MB21D2: variants seen among roughly 807,000 people sequenced by gnomAD.
MB21D2 encodes the protein Mab-21 domain containing 2, also known as nucleotidyltransferase MB21D2.
MB21D2 carries 9 observed loss-of-function variants against 33.3 expected under a neutral mutation model. The ratio of observed to expected loss-of-function variants is 0.27; its 90% CI spans 0.16 to 0.47. MB21D2 has a LOEUF of 0.47. MB21D2 is among the 20% of genes least tolerant of loss of function. The pLI, the probability that MB21D2 is intolerant of heterozygous loss-of-function variation, is 0.99. For synonymous variants in MB21D2, 241 were observed against 236.3 expected, an observed-to-expected ratio of 1.02 and a Z score of -0.18; for missense variants, 540 against 624.6, an observed-to-expected ratio of 0.86 and a Z score of 1.44.
intron 1 of MB21D2, among the ~76,000 whole-genome samples, chr3:192,853,804 G>C (rs1712857777): frequency 6.6e-6 from 1 of 152,116 alleles, no homozygotes; most frequent in Non-Finnish European, 1.5e-5. Flanking sequence ...TCCAACTGCA[G>C]GGTTCACATG....
At chr3:192,870,969 C>A (rs1044193269) in intron 1 of MB21D2, among the ~76,000 whole-genome samples, 20 of 152,284 alleles carry the variant, frequency 1.3e-4, no homozygotes, top group Middle Eastern at 6.8e-3. Flanking sequence ...TTGGATGCAA[C>A]TTCTCAACCA....
intron 1 of MB21D2, among the ~76,000 whole-genome samples, chr3:192,826,812 T>C (rs1487050725): frequency 6.6e-6 from 1 of 152,058 alleles, no homozygotes; most frequent in Admixed American, 6.6e-5. Flanking sequence ...GCAGATGAGA[T>C]TGGGGAGGAC....
chr3:192,846,634 C>A (rs920956907), intron 1 of MB21D2, among the ~76,000 whole-genome samples: 1 of 152,058 alleles, frequency 6.6e-6, no homozygotes, highest in Non-Finnish European at 1.5e-5. Context: ...CTGAAACATA[C>A]CAAAAATTCC....
At position 192,799,896 on chromosome 3, in the gene MB21D2, A is replaced by G. The variant is rs1037058076; in HGVS notation, c.212-246T>C. 1.3e-5 allele frequency among the ~76,000 whole-genome samples: 2 copies of G among 152,196 alleles called. No individual in the cohort carries two copies. Among genetic ancestry groups the G allele is most frequent in the African/African-American group, 4.8e-5 (2 of 41,442 alleles). ...AGTGTGAAAAGCAGTATCGTTTTCA[A>G]TAATAAAACAGGGCCCCTCTTCCCC... On this transcript the variant is annotated intron_variant, in intron 1 of 1. Transcript: ENST00000392452. This position sits in a 1 kb window ranked among gnomAD's most constrained non-coding sequence, Gnocchi z 4.1.
intron 1 of MB21D2, among the ~76,000 whole-genome samples, chr3:192,839,864 CT>C (rs979430744): frequency 6.6e-5 from 10 of 152,172 alleles, no homozygotes; most frequent in African/African-American, 2.2e-4. Flanking sequence ...TTTCAAATCC[CT>C]TTCTCATCTT....
At chr3:192,827,917 A>C (rs1404514303) in intron 1 of MB21D2, among the ~76,000 whole-genome samples, 1 of 152,124 alleles carries the variant, frequency 6.6e-6, no homozygotes, top group African/African-American at 2.4e-5. Flanking sequence ...GAGAGGGATC[A>C]GGTGGGAGAT....
At chr3:192,890,320 G>T (rs1476421255) in intron 1 of MB21D2, among the ~76,000 whole-genome samples, 1 of 151,990 alleles carries the variant, frequency 6.6e-6, no homozygotes, top group East Asian at 1.9e-4. Flanking sequence ...TAAATAAAAA[G>T]ACTAAGAAGG....
At chr3:192,801,285 G>A (rs565171911) in intron 1 of MB21D2, among the ~76,000 whole-genome samples, 26 of 152,162 alleles carry the variant, frequency 1.7e-4, no homozygotes, top group African/African-American at 5.8e-4. Context: ...AACTACCAGC[G>A]TCATCCTGTG....
chr3:192,842,865 T>G (rs940419585), intron 1 of MB21D2, among the ~76,000 whole-genome samples: 2 of 152,190 alleles, frequency 1.3e-5, no homozygotes, highest in African/African-American at 4.8e-5. Flanking sequence ...TTAGGGCCAT[T>G]CTTGTGGAAA....
intron 1 of MB21D2, among the ~76,000 whole-genome samples, chr3:192,838,226 C>T (rs888461109): frequency 6.6e-6 from 1 of 152,168 alleles, no homozygotes; most frequent in African/African-American, 2.4e-5. Flanking sequence ...CTTAAGTGTG[C>T]TCATGATAGC....
chr3:192,880,990 T>G (rs1386841838), intron 1 of MB21D2, among the ~76,000 whole-genome samples: 2 of 152,060 alleles, frequency 1.3e-5, no homozygotes, highest in African/African-American at 4.8e-5. Context: ...TATATATTTA[T>G]ATACACATCT....
chr3:192,809,737 A>G (rs1711745826), intron 1 of MB21D2, among the ~76,000 whole-genome samples: 1 of 152,222 alleles, frequency 6.6e-6, no homozygotes, highest in Non-Finnish European at 1.5e-5. Flanking sequence ...ATCATAGGAA[A>G]GAGACGATTA....
At position 192,890,829 on chromosome 3, in the gene MB21D2, G is replaced by A. The variant is rs76352249; in HGVS notation, c.211+26801C>T. Among the ~76,000 whole-genome samples, 106 of 152,100 alleles carry A rather than the reference G, an allele frequency of 7.0e-4. 1 individual carries two copies. Among genetic ancestry groups the A allele is most frequent in the African/African-American group, 2.5e-3 (104 of 41,414 alleles). ...AGGCGGTTATTGATATAAGATGTAC[G>A]TGCTTCTCAGGAGTCCCTAAATACT... is the stretch of plus-strand genomic sequence containing the variant. On this transcript the variant is annotated intron_variant, in intron 1 of 1. Transcript: ENST00000392452.
intron 1 of MB21D2, among the ~76,000 whole-genome samples, chr3:192,810,404 C>G (rs948016400): frequency 8.7e-5 from 13 of 149,684 alleles, no homozygotes; most frequent in Admixed American, 8.7e-4. Context: ...TATAAAGAAG[C>G]CTCCTCTAAA....
intron 1 of MB21D2, among the ~76,000 whole-genome samples, chr3:192,802,784 CTTCA>C (rs1337079649): frequency 6.6e-6 from 1 of 152,168 alleles, no homozygotes; most frequent in Non-Finnish European, 1.5e-5. Flanking sequence ...ATCGTTTACT[CTTCA>C]TTATTTCAAA....
intron 1 of MB21D2, among the ~76,000 whole-genome samples, chr3:192,812,691 C>A (rs995232097): frequency 6.6e-6 from 1 of 152,126 alleles, no homozygotes; most frequent in African/African-American, 2.4e-5. Flanking sequence ...TACACAGACA[C>A]GTCTCCTCTT....
At chr3:192,813,180 G>T (rs939742339) in intron 1 of MB21D2, among the ~76,000 whole-genome samples, 1 of 152,096 alleles carries the variant, frequency 6.6e-6, no homozygotes, top group Non-Finnish European at 1.5e-5. Flanking sequence ...GATCATCTAG[G>T]TTGAGCCAAG....
intron 1 of MB21D2, among the ~76,000 whole-genome samples, chr3:192,912,818 A>G (rs1044077876): frequency 1.3e-5 from 2 of 152,234 alleles, no homozygotes; most frequent in Non-Finnish European, 2.9e-5. Flanking sequence ...GTCAGGAATA[A>G]CTGGATTCAG....
chr3:192,846,412 T>C lies in MB21D2; in HGVS notation c.212-46762A>G, dbSNP rs539475105. Among the ~76,000 whole-genome samples the C allele has an allele frequency of 6.6e-5, 10 of 152,320 alleles. No homozygotes were observed. In the South Asian group the frequency reaches 2.1e-3, roughly 32 times the overall value. On this transcript the variant is annotated intron_variant, in intron 1 of 1. Coordinates refer to ENST00000392452, the MANE Select transcript of MB21D2 (RefSeq NM_178496.4). ...ATAACAAAGTTTTGGTATTTTGTTT[T>C]ATTTTGTTTTTATATATAATTACCT...
Sources: gnomAD v4.1 joint callset for allele counts (sites outside exome capture counted in the v4.1 genomes callset) on GRCh38, gnomAD v4.1.1 for gene constraint, Gnocchi (gnomAD v3.1) non-coding constraint, MANE v1.5 for transcripts, NCBI Gene and HGNC (gene_info 2026-07-23, HGNC 2026-07-21) for gene names.